Variants in MTOR observed in about 807,000 individuals in gnomAD.
MTOR encodes the protein mechanistic target of rapamycin kinase, also known as serine/threonine-protein kinase mTOR.
A neutral mutation model predicts 319.8 loss-of-function variants in MTOR; 70 were observed. The ratio of observed to expected loss-of-function variants is 0.22; its 90% CI spans 0.18 to 0.27. The LOEUF is 0.27. Ranked by LOEUF, MTOR falls within the 10% of genes least tolerant of loss-of-function variation. The pLI is 1.00. For synonymous variants in MTOR, 1,183 were observed against 1,211.4 expected, an observed-to-expected ratio of 0.98 and a Z score of 0.49; for missense variants, 1,890 against 3,274.4, an observed-to-expected ratio of 0.58 and a Z score of 10.32.
chr1:11,156,084 G>A (rs1438200263), intron 30 of MTOR, among the ~76,000 whole-genome samples: 11 of 152,072 alleles, frequency 7.2e-5, no homozygotes, highest in African/African-American at 2.2e-4. Flanking sequence ...TCCGCCTCCC[G>A]GGTTCAAGTG....
chr1:11,190,000 C>T, intron 28 of MTOR: 1 of 1,560,420 alleles, frequency 6.4e-7, no homozygotes. Flanking sequence ...GCCTCCCCAT[C>T]TACAGCACTG....
chr1:11,127,202 C>CA lies in MTOR; in HGVS notation c.6217-59dup. ...TCAAAGTCTCAACCAACCCAGGAGG[C>CA]AAAATCCCCAGGCTGACTGCAGATA... On this transcript the variant is annotated intron_variant, in intron 44 of 57. Coordinates refer to ENST00000361445, the MANE Select transcript of MTOR (RefSeq NM_004958.4). This position sits in a 1 kb window ranked among gnomAD's most constrained non-coding sequence, Gnocchi z 5.5. 4 of 1,604,524 alleles carry CA rather than the reference C, an allele frequency of 2.5e-6. No homozygotes were observed. In the South Asian group the frequency reaches 4.4e-5, roughly 18 times the overall value.
At chr1:11,261,039 G>T (rs569392588) in intron 1 of MTOR, among the ~76,000 whole-genome samples, 1 of 151,476 alleles carries the variant, frequency 6.6e-6, no homozygotes, top group African/African-American at 2.4e-5. Flanking sequence ...TGATCTGCCC[G>T]CCTTGGCCTC....
chr1:11,129,657 G>T lies in MTOR; in HGVS notation c.5714+81C>A. 1.6e-6 allele frequency: 2 copies of T among 1,275,188 alleles called. No homozygotes were observed. Among genetic ancestry groups the T allele is most frequent in the Non-Finnish European group, 2.2e-6 (2 of 889,660 alleles). The allele number at this position is 1,275,188 out of a possible 1,614,324, so 79.0% of individuals were successfully genotyped here. A position where few individuals can be genotyped will look rare whatever the true frequency, so the allele number is the denominator to read the frequency against. On this transcript the variant is annotated intron_variant, in intron 40 of 57. Coordinates refer to ENST00000361445, the MANE Select transcript of MTOR (RefSeq NM_004958.4). This position sits in a 1 kb window ranked among gnomAD's most constrained non-coding sequence, Gnocchi z 4.7. ...GGTGTCCTGATCAGGGTCAGGAAGG[G>T]AAAGAGGACTTTTACGTGTGACTTC...
intron 19 of MTOR, among the ~76,000 whole-genome samples, chr1:11,225,134 G>C (rs572916252): frequency 1.3e-5 from 2 of 152,122 alleles, no homozygotes; most frequent in Admixed American, 6.5e-5. Context: ...AGTGATAACT[G>C]CATAACTCTG....
intron 32 of MTOR, among the ~76,000 whole-genome samples, chr1:11,146,455 T>C (rs1402963370): frequency 6.6e-6 from 1 of 152,014 alleles, no homozygotes; most frequent in Non-Finnish European, 1.5e-5. Flanking sequence ...ACCGAGACAG[T>C]AGCTTCCAGA....
intron 38 of MTOR, chr1:11,132,455 A>C (rs1379995719): frequency 6.6e-6 from 1 of 152,324 alleles, no homozygotes; most frequent in Non-Finnish European, 1.5e-5. Flanking sequence ...CAAGCCAAGG[A>C]AATACTGGAA....
At chr1:11,237,788 T>C (rs965051134) in intron 13 of MTOR, 55 bp downstream of exon 13, 1 of 1,594,020 alleles carries the variant, frequency 6.3e-7, no homozygotes, top group East Asian at 2.2e-5. Context: ...CAAGCAGTTC[T>C]CACAGCGAGA....
intron 28 of MTOR, among the ~76,000 whole-genome samples, chr1:11,169,171 A>G (rs1028641453): frequency 1.3e-5 from 2 of 152,276 alleles, no homozygotes; most frequent in African/African-American, 4.8e-5. Flanking sequence ...ATTTCTTCCA[A>G]TAAAACCAAA....
chr1:11,133,288 T>C lies in MTOR; in HGVS notation c.5247-91A>G. The C allele has an allele frequency of 9.0e-7, 1 of 1,111,986 alleles. No individual in the cohort carries two copies. Among genetic ancestry groups the C allele is most frequent in the South Asian group, 1.3e-5 (1 of 75,612 alleles). 68.9% of individuals were successfully genotyped at this position (1,111,986 alleles called of 1,614,324 possible). On this transcript the variant is annotated intron_variant, in intron 37 of 57. Transcript: ENST00000361445. The surrounding 1 kb of genome is among the most constrained non-coding windows in gnomAD (Gnocchi z 4.0). The stretch of plus-strand genomic sequence containing the variant: ...AAATTGTTAGGGGACACTGAAGCCC[T>C]TCTGGTATTTCCTCTTATTCTCAAG...
In MTOR at chr1:11,144,666, G is replaced by C. The variant is rs748456704; in HGVS notation, c.4854C>G (p.Ile1618Met). ...AGCTCACCTGCAGTCTCTCCCACCA[G>C]ATCTGGCGGATGATCTCTCGTCGCT... ...VPERREIIRQ[I>M]WWERLQGCQR... Residue 1618 changes from isoleucine to methionine, a missense_variant, in exon 34 of 58, where the codon ATC becomes ATG. By Grantham distance (10) the Ile-to-Met change is conservative (BLOSUM62 1). This residue lies in a region of MTOR where 276 missense variants were observed against 459.4 expected (regional missense o/e 0.60). Transcript: ENST00000361445. 1 of 1,614,128 alleles carries C rather than the reference G, an allele frequency of 6.2e-7. No individual in the cohort carries two copies. The highest frequency in any genetic ancestry group is 8.5e-7 in the Non-Finnish European group (1 of 1,180,008).
intron 2 of MTOR, 49 bp downstream of exon 2, chr1:11,259,199 C>A (rs1346213846): frequency 6.3e-7 from 1 of 1,587,924 alleles, no homozygotes; most frequent in South Asian, 1.2e-5. Flanking sequence ...AGTGATGGTA[C>A]ATTTAGCCCA....
At chr1:11,186,585 C>G (rs1282319285) in intron 28 of MTOR, among the ~76,000 whole-genome samples, 1 of 152,160 alleles carries the variant, frequency 6.6e-6, no homozygotes, top group South Asian at 2.1e-4. Flanking sequence ...CAGATTTTGT[C>G]AGTTAATTCC....
chr1:11,211,665 C>T (rs1569574059), intron 23 of MTOR, among the ~76,000 whole-genome samples: 1 of 152,154 alleles, frequency 6.6e-6, no homozygotes, highest in South Asian at 2.1e-4. Flanking sequence ...CTGTGCCTAG[C>T]TCAAGAATCT....
At chr1:11,230,851 A>T in intron 18 of MTOR, 74 bp downstream of exon 18, 1 of 1,597,698 alleles carries the variant, frequency 6.3e-7, no homozygotes, top group East Asian at 2.2e-5. Flanking sequence ...CCAGCTCCAG[A>T]CTTTCTAAAC....
At chr1:11,249,934 C>G (rs2100948618) in intron 6 of MTOR, among the ~76,000 whole-genome samples, 1 of 151,010 alleles carries the variant, frequency 6.6e-6, no homozygotes, top group East Asian at 2.0e-4. Flanking sequence ...AGCCACTGGG[C>G]ACACCTCCCA....
At chr1:11,160,694 T>C (rs1038342149) in intron 29 of MTOR, among the ~76,000 whole-genome samples, 1 of 152,244 alleles carries the variant, frequency 6.6e-6, no homozygotes, top group Non-Finnish European at 1.5e-5. Context: ...ACATGAAGTA[T>C]ATAAACACTT....
intron 24 of MTOR, among the ~76,000 whole-genome samples, chr1:11,210,018 C>A (rs1646259526): frequency 6.6e-6 from 1 of 152,164 alleles, no homozygotes; most frequent in African/African-American, 2.4e-5. Context: ...CAGGTGCACA[C>A]CACCATGCCC....
intron 4 of MTOR, 151 bp from the exon 5 acceptor site, chr1:11,256,343 G>C: frequency 6.9e-7 from 1 of 1,441,684 alleles, no homozygotes; most frequent in Non-Finnish European, 9.1e-7. Context: ...ACAGAGGAAG[G>C]AAAGCAAAAT....
Sources: gnomAD v4.1 joint callset for allele counts (sites outside exome capture counted in the v4.1 genomes callset) on GRCh38, gnomAD v4.1.1 for gene constraint, gnomAD v4.1.1 regional missense constraint, Gnocchi (gnomAD v3.1) non-coding constraint, MANE v1.5 for transcripts, NCBI Gene and HGNC (gene_info 2026-07-23, HGNC 2026-07-21) for gene names.